The following NF1 variants were observed in gnomAD, a reference collection of about 807,000 sequenced individuals.
The protein encoded by NF1 is neurofibromin 1.
NF1 carries 122 observed loss-of-function variants against 325.7 expected under a neutral mutation model. That is an observed-to-expected ratio of 0.37 (90% CI 0.32 to 0.44). The LOEUF is 0.44. Ranked by LOEUF, NF1 falls within the 20% of genes least tolerant of loss-of-function variation. The pLI, the probability that NF1 is intolerant of heterozygous loss-of-function variation, is 1.00. For synonymous variants in NF1, 1,091 were observed against 1,186.0 expected (o/e 0.92, Z 1.65); for missense variants, 2,140 against 3,415.4 (o/e 0.63, Z 9.31).
intron 35 of NF1, among the ~76,000 whole-genome samples, 173 bp downstream of exon 35, chr17:31,262,030 T>A (rs1039452931): frequency 2.2e-4 from 33 of 152,226 alleles, no homozygotes; most frequent in African/African-American, 8.0e-4. Flanking sequence ...TAGGGTGTGT[T>A]TTATTTTATA....
In NF1 at chr17:31,235,642, T is replaced by G. The variant is rs2151437787; in HGVS notation, c.3740T>G (p.Phe1247Cys). Residue 1247 changes from phenylalanine (F) to cysteine (C), a missense_variant, in exon 28 of 58, where the codon TTT (phenylalanine) becomes TGT (cysteine). Physicochemically the swap from Phe to Cys is radical, Grantham distance 205. Coordinates refer to ENST00000358273, the MANE Select transcript of NF1 (RefSeq NM_001042492.3). ...CTAGCTCGAGTTCTGGTTACTCTGT[T>G]TGATTCTCGGCATTTACTCTACCAA... ...DELARVLVTL[F>C]DSRHLLYQLL... 6.2e-7 allele frequency: 1 copy of G among 1,614,178 alleles called. No individual in the cohort carries two copies. The highest frequency in any genetic ancestry group is 8.5e-7 in the Non-Finnish European group (1 of 1,180,014).
rs786202297 is a variant in NF1, at chr17:31,229,071, A to T, written c.2456A>T (p.His819Leu). 1 of 1,611,892 alleles carries T rather than the reference A, an allele frequency of 6.2e-7. No individual in the cohort carries two copies. Among genetic ancestry groups the T allele is most frequent in the Non-Finnish European group, 8.5e-7 (1 of 1,179,748 alleles). The part of the protein sequence containing the change: ...HKTIVKRRMS[H>L]VSGGGSIDLS... ...ACCATTGTTAAGAGGCGAATGTCCC[A>T]TGTGAGTGGAGGAGGATCCATAGAT... Residue 819 changes from histidine (H) to leucine (L), a missense_variant, in exon 21 of 58, where the codon CAT becomes CTT. By Grantham distance (99) the His-to-Leu change is moderately conservative. Around this residue, in one of 10 missense-constraint regions of NF1, gnomAD observed 380 missense variants for 639.3 expected, o/e 0.59. Coordinates refer to ENST00000358273, the MANE Select transcript of NF1 (RefSeq NM_001042492.3).
chr17:31,239,005 A>G (rs906257540), intron 29 of NF1, among the ~76,000 whole-genome samples: 2 of 152,204 alleles, frequency 1.3e-5, no homozygotes, highest in African/African-American at 2.4e-5. Flanking sequence ...CTATGACCCA[A>G]TACATCTTGT....
rs778993658 is a variant in NF1, at chr17:31,249,026, C to T, written c.4017C>T (p.Leu1339=). 1.2e-6 allele frequency: 2 copies of T among 1,613,986 alleles called. No homozygotes were observed. The highest frequency in any genetic ancestry group is 1.7e-6 in the Non-Finnish European group (2 of 1,180,006). ...GCCTTGAGGAAAACCAGCGGAACCTCCTTCAGATGACTGAAAAGTTCTTCC... is the reference window on the plus strand; with the variant it reads ...GCCTTGAGGAAAACCAGCGGAACCTTCTTCAGATGACTGAAAAGTTCTTCC... ...SESLEENQRN[L]LQMTEKFFHA... Residue 1339 remains leucine (L), a synonymous_variant, in exon 30 of 58, where the codon CTC becomes CTT. Transcript: ENST00000358273.
rs1182774435 is a variant in NF1 at position 31,095,118 on chromosome 17, G to T, written c.-192G>T. On this transcript the variant is annotated 5_prime_UTR_variant, in exon 1 of 58. Coordinates refer to ENST00000358273, the MANE Select transcript of NF1 (RefSeq NM_001042492.3). ...CCCTCCCCCCAGCCTCCTTGCCAACGCCCCCTTTCCCTCTCCCCCTCCCGC... is the reference window on the plus strand; with the variant it reads ...CCCTCCCCCCAGCCTCCTTGCCAACTCCCCCTTTCCCTCTCCCCCTCCCGC... 2 of 209,748 alleles carry T rather than the reference G, an allele frequency of 9.5e-6. No individual in the cohort carries two copies. Among genetic ancestry groups the T allele is most frequent in the Non-Finnish European group, 1.7e-5 (2 of 120,002 alleles). 13.0% of individuals were successfully genotyped at this position (209,748 alleles called of 1,614,324 possible).
chr17:31,250,019 A>G (rs1196439645), intron 30 of NF1: 2 of 498,470 alleles, frequency 4.0e-6, no homozygotes, highest in African/African-American at 1.9e-5. Flanking sequence ...TAACAGCATC[A>G]TTGAAATCAC....
intron 4 of NF1, among the ~76,000 whole-genome samples, chr17:31,167,740 A>G (rs1254891759): frequency 6.6e-6 from 1 of 152,214 alleles, no homozygotes; most frequent in Non-Finnish European, 1.5e-5. Flanking sequence ...AATGCCTTTT[A>G]TTAACATTTA....
chr17:31,180,722 A>G (rs752707485), intron 5 of NF1, among the ~76,000 whole-genome samples: 6 of 152,128 alleles, frequency 3.9e-5, no homozygotes, highest in Admixed American at 6.6e-5. Context: ...TCCTATTCAA[A>G]CTAATATTGG....
rs2065902916 is a variant in NF1, at chr17:31,169,890, G to A, written c.480-1G>A. On this transcript the variant is annotated splice_acceptor_variant, in intron 4 of 57. Transcript: ENST00000358273. LOFTEE classifies it high-confidence loss of function. ...AGTTAATTTTGGTTTTTACTTTTTA[G>A]GTTACAGGAATTAACTGTTTGTTCA... 1 of 1,603,148 alleles carries A rather than the reference G, an allele frequency of 6.2e-7. No homozygotes were observed. Among genetic ancestry groups the A allele is most frequent in the East Asian group, 2.2e-5 (1 of 44,648 alleles).
chr17:31,095,453 C>G, intron 1 of NF1, 84 bp downstream of exon 1: 1 of 1,337,350 alleles, frequency 7.5e-7, no homozygotes, highest in Non-Finnish European at 1.0e-6. Context: ...GCGGCCGCCT[C>G]CCCCGCGGCT....
intron 4 of NF1, 67 bp downstream of exon 4, chr17:31,163,443 A>G (rs2143675437): frequency 6.5e-7 from 1 of 1,530,398 alleles, no homozygotes; most frequent in Non-Finnish European, 9.0e-7. Flanking sequence ...TTTTTTGTCT[A>G]CATAAAAATA....
chr17:31,328,737 C>T (rs1597833234), intron 38 of NF1, among the ~76,000 whole-genome samples: 1 of 152,032 alleles, frequency 6.6e-6, no homozygotes, highest in East Asian at 1.9e-4. Context: ...TGAAAATTTT[C>T]CCTGAGGATA....
Position 31,227,457 on chromosome 17 carries a change from G to A in NF1, c.2326-66G>A, listed in dbSNP as rs1447121059. 3 of 1,542,730 alleles carry A rather than the reference G, an allele frequency of 1.9e-6. No homozygotes were observed. The Admixed American group carries it at 5.0e-5, about 26-fold the overall frequency. ...TAATATACATCAAGTTTGAAACTTG[G>A]CTGTAGCTGATTGATGTTTAGCTCT... On this transcript the variant is annotated intron_variant, in intron 19 of 57. Transcript: ENST00000358273.
rs1233135542 is a variant in NF1, at chr17:31,249,060, A to T, written c.4051A>T (p.Ile1351Phe). ...QMTEKFFHAI[I>F]SSSSEFPPQL... ...GACTGAAAAGTTCTTCCATGCCATCATCAGTTCCTCCTCAGAATTCCCCCC... is the reference window on the plus strand; with the variant it reads ...GACTGAAAAGTTCTTCCATGCCATCTTCAGTTCCTCCTCAGAATTCCCCCC... Residue 1351 changes from isoleucine to phenylalanine, a missense_variant, in exon 30 of 58, where the codon ATC (isoleucine) becomes TTC (phenylalanine). Around this residue, in one of 10 missense-constraint regions of NF1, gnomAD observed 336 missense variants for 399.0 expected, o/e 0.84. Coordinates refer to ENST00000358273, the MANE Select transcript of NF1 (RefSeq NM_001042492.3). 6.2e-7 allele frequency: 1 copy of T among 1,614,174 alleles called. No homozygotes were observed. Among genetic ancestry groups the T allele is most frequent in the Non-Finnish European group, 8.5e-7 (1 of 1,180,000 alleles).
At chr17:31,316,243 G>T (rs2069017800) in intron 36 of NF1, among the ~76,000 whole-genome samples, 2 of 152,144 alleles carry the variant, frequency 1.3e-5, no homozygotes, top group South Asian at 4.1e-4. Context: ...GGTAGGGAAT[G>T]TGTTTTTGTT....
At chr17:31,133,488 A>G (rs1386237652) in intron 1 of NF1, 1 of 152,204 alleles carries the variant, frequency 6.6e-6, no homozygotes, top group Non-Finnish European at 1.5e-5. Flanking sequence ...GTTCTTTTGC[A>G]TATGTACCTA....
intron 37 of NF1, 86 bp downstream of exon 37, chr17:31,326,338 C>T: frequency 7.6e-7 from 1 of 1,313,104 alleles, no homozygotes; most frequent in Non-Finnish European, 1.1e-6. Context: ...GTGTCCTACC[C>T]CTATAGTGGT....
At position 31,230,933 on chromosome 17, in the gene NF1, A is replaced by C; in HGVS notation, c.3197+8A>C. 6.2e-7 allele frequency: 1 copy of C among 1,603,716 alleles called. No homozygotes were observed. The highest frequency in any genetic ancestry group is 8.5e-7 in the Non-Finnish European group (1 of 1,173,128). ...TGTAAAATGTCTTACAAGGTAAAAA[A>C]AGAATGACCTTCAAGTATTAGTGGG... On this transcript the variant is annotated splice_region_variant and intron_variant, in intron 24 of 57. Transcript: ENST00000358273.
At chr17:31,254,915 A>T (rs1216419779) in intron 31 of NF1, among the ~76,000 whole-genome samples, 1 of 152,182 alleles carries the variant, frequency 6.6e-6, no homozygotes, top group Non-Finnish European at 1.5e-5. Flanking sequence ...CATAAATTTA[A>T]AATGTTGTTT....
Sources: gnomAD v4.1 joint callset for allele counts (sites outside exome capture counted in the v4.1 genomes callset) on GRCh38, gnomAD v4.1.1 for gene constraint, gnomAD v4.1.1 regional missense constraint, MANE v1.5 for transcripts, NCBI Gene and HGNC (gene_info 2026-07-23, HGNC 2026-07-21) for gene names.